DNAH11: variants seen among roughly 807,000 people sequenced by gnomAD.
DNAH11 encodes the protein dynein axonemal heavy chain 11.
Under a neutral mutation model 526.0 loss-of-function variants are expected in DNAH11, and 442 were observed. The ratio of observed to expected loss-of-function variants is 0.84; its 90% CI spans 0.78 to 0.91. The LOEUF (loss-of-function observed/expected upper bound fraction) is 0.91. Ranked by LOEUF, DNAH11 falls within the 40% of genes least tolerant of loss-of-function variation. The pLI, the probability that DNAH11 is intolerant of heterozygous loss-of-function variation, is 0.00. For missense variants in DNAH11, 6,989 were observed against 5,448.7 expected (o/e 1.28, Z -8.90); for synonymous variants, 2,461 against 1,935.9 (o/e 1.27, Z -7.12).
intron 62 of DNAH11, 148 bp from the exon 63 acceptor site, chr7:21,807,735 A>G (rs1408223392): frequency 1.2e-5 from 7 of 596,724 alleles, no homozygotes; most frequent in South Asian, 9.3e-5. Context: ...ATGAAAGATT[A>G]TAACAGTCAC....
At chr7:21,845,403 G>T (rs1353778404) in intron 66 of DNAH11, among the ~76,000 whole-genome samples, 1 of 152,008 alleles carries the variant, frequency 6.6e-6, no homozygotes. Context: ...TGAAGTAGGG[G>T]TGCACCTTCA....
intron 45 of DNAH11, among the ~76,000 whole-genome samples, chr7:21,731,530 A>G (rs1785384112): frequency 6.6e-6 from 1 of 152,258 alleles, no homozygotes; most frequent in East Asian, 1.9e-4. Context: ...TTGATTGAAA[A>G]AAGCAACGTA....
In DNAH11 at chr7:21,709,410, T is replaced by C. The variant is rs557610300; in HGVS notation, c.6684-1143T>C. The stretch of plus-strand genomic sequence containing the variant: ...ACATAAAGATGGGAGCCATTGACAC[T>C]GAGGCCTATTAGAGGTGGGAGGGAA... On this transcript the variant is annotated intron_variant, in intron 40 of 81. Transcript: ENST00000409508. Among the ~76,000 whole-genome samples the C allele has an allele frequency of 6.6e-5, 10 of 152,242 alleles. No individual in the cohort carries two copies. The East Asian group carries it at 1.9e-3, about 29-fold the overall frequency.
chr7:21,810,426 T>C (rs1789465709), intron 63 of DNAH11, among the ~76,000 whole-genome samples: 1 of 152,302 alleles, frequency 6.6e-6, no homozygotes, highest in Middle Eastern at 3.4e-3. Context: ...GCACAGATAT[T>C]ATTAGAAAAT....
intron 45 of DNAH11, among the ~76,000 whole-genome samples, chr7:21,732,349 G>T (rs1785419659): frequency 6.6e-6 from 1 of 152,110 alleles, no homozygotes; most frequent in African/African-American, 2.4e-5. Context: ...GATTGGGTTA[G>T]GGCTCAGTCC....
At chr7:21,780,111 G>C (rs892328497) in intron 57 of DNAH11, among the ~76,000 whole-genome samples, 1 of 143,674 alleles carries the variant, frequency 7.0e-6, no homozygotes, top group African/African-American at 2.6e-5. Flanking sequence ...AACTCTAAAA[G>C]GACAGTTTTA....
chr7:21,784,694 A>C (rs1003831906), intron 58 of DNAH11, among the ~76,000 whole-genome samples, 154 bp downstream of exon 58: 4 of 152,246 alleles, frequency 2.6e-5, no homozygotes, highest in African/African-American at 9.6e-5. Context: ...GAAACAAACC[A>C]TTGAGGTCAT....
chr7:21,784,342 T>C, intron 57 of DNAH11, 85 bp from the exon 58 acceptor site: 1 of 957,114 alleles, frequency 1.0e-6, no homozygotes, highest in South Asian at 1.4e-5. Flanking sequence ...TATTTAACAG[T>C]GCATCTGAGT....
intron 69 of DNAH11, 119 bp downstream of exon 69, chr7:21,862,142 C>A (rs1379148853): frequency 1.0e-6 from 1 of 963,792 alleles, no homozygotes; most frequent in Non-Finnish European, 1.5e-6. Context: ...TTTTTGGAAG[C>A]CCTTGGTGGC....
At chr7:21,654,063 AT>A (rs1198199082) in intron 28 of DNAH11, among the ~76,000 whole-genome samples, 1 of 152,160 alleles carries the variant, frequency 6.6e-6, no homozygotes, top group Non-Finnish European at 1.5e-5. Context: ...TCTTCTGGTT[AT>A]CAGCAGCTCA....
chr7:21,831,969 A>C (rs1386639964), intron 65 of DNAH11, among the ~76,000 whole-genome samples: 2 of 151,772 alleles, frequency 1.3e-5, no homozygotes, highest in African/African-American at 4.9e-5. Flanking sequence ...AGGCACCTGT[A>C]GTCCCAGCTA....
chr7:21,638,616 G>A (rs989903877), intron 27 of DNAH11, among the ~76,000 whole-genome samples: 1 of 151,954 alleles, frequency 6.6e-6, no homozygotes, highest in African/African-American at 2.4e-5. Context: ...CTCCACTGCT[G>A]TTTAGGAGTG....
Position 21,687,233 on chromosome 7 carries a change from G to C in DNAH11, c.5756G>C (p.Cys1919Ser). Reference sequence around the variant, plus strand: ...GGCATGATGGTCTATGTATTCAACTGTTCAGAGCAAATGGACTACAAAGTA... The same window carrying C: ...GGCATGATGGTCTATGTATTCAACTCTTCAGAGCAAATGGACTACAAAGTA... ...ALGMMVYVFNCSEQMDYKSIG... is the reference protein window; with the variant it reads ...ALGMMVYVFNSSEQMDYKSIG... The change falls in exon 33 of 82, where the codon TGT becomes TCT. Residue 1919 changes from cysteine to serine, a missense_variant. Physicochemically the swap from Cys to Ser is moderately radical, Grantham distance 112. Coordinates refer to ENST00000409508, the MANE Select transcript of DNAH11 (RefSeq NM_001277115.2). The C allele has an allele frequency of 6.3e-7, 1 of 1,594,188 alleles. No individual in the cohort carries two copies. The highest frequency in any genetic ancestry group is 1.8e-5 in the Admixed American group (1 of 56,230).
At chr7:21,667,316 A>C (rs898903284) in intron 30 of DNAH11, among the ~76,000 whole-genome samples, 4 of 152,118 alleles carry the variant, frequency 2.6e-5, no homozygotes, top group Non-Finnish European at 4.4e-5. Flanking sequence ...GAGTTGGCCT[A>C]CTTTTTCTGG....
At chr7:21,850,826 C>T (rs1004571919) in intron 66 of DNAH11, among the ~76,000 whole-genome samples, 1 of 152,026 alleles carries the variant, frequency 6.6e-6, no homozygotes, top group Non-Finnish European at 1.5e-5. Flanking sequence ...CCTTGTTGTC[C>T]TTAGGTTTCC....
chr7:21,892,739 A>G lies in DNAH11; in HGVS notation c.12750+72A>G, dbSNP rs950589830. 7 of 1,458,422 alleles carry G rather than the reference A, an allele frequency of 4.8e-6. No homozygotes were observed. In the African/African-American group the frequency reaches 7.1e-5, roughly 15 times the overall value. 90.3% of individuals were successfully genotyped at this position (1,458,422 alleles called of 1,614,324 possible). ...CTTGTACTGAAGTCTACTAATCTTA[A>G]TTGTGCAAATCAATAAGTTTTTACC... On this transcript the variant is annotated intron_variant, in intron 77 of 81. Transcript: ENST00000409508.
chr7:21,617,876 C>T (rs1363435718), intron 23 of DNAH11, 99 bp downstream of exon 23: 1 of 1,278,638 alleles, frequency 7.8e-7, no homozygotes, highest in African/African-American at 1.5e-5. Context: ...ATGAAAAGAC[C>T]CCCCTCAGCA....
Position 21,786,633 on chromosome 7 carries a change from A to G in DNAH11, c.9607A>G (p.Ser3203Gly). 6.2e-7 allele frequency: 1 copy of G among 1,612,662 alleles called. No individual in the cohort carries two copies. The highest frequency in any genetic ancestry group is 8.5e-7 in the Non-Finnish European group (1 of 1,178,988). ...GTGTGCTTTTCTTCAGGTCAACCTC[A>G]GTGAGCTGAAAGCCTTTCCCAACCC... The part of the protein sequence containing the change: ...ALNTLNRVNL[S>G]ELKAFPNPPI... The change falls in exon 59 of 82, where the codon AGT becomes GGT. Residue 3203 changes from serine (S) to glycine (G), a missense_variant. Coordinates refer to ENST00000409508, the MANE Select transcript of DNAH11 (RefSeq NM_001277115.2).
Position 21,564,401 on chromosome 7 carries a change from T to G in DNAH11, c.1194+4T>G, listed in dbSNP as rs1243718380. The G allele has an allele frequency of 6.2e-7, 1 of 1,603,914 alleles. No homozygotes were observed. The highest frequency in any genetic ancestry group is 2.2e-5 in the East Asian group (1 of 44,766). ...TTGTAATCTCTTCATTAACCAGGTA[T>G]GAAGCATCAAAAAACAGGAACAATA... is the stretch of plus-strand genomic sequence containing the variant. On this transcript the variant is annotated splice_donor_region_variant and intron_variant, in intron 6 of 81. Transcript: ENST00000409508.
Sources: gnomAD v4.1 joint callset for allele counts (sites outside exome capture counted in the v4.1 genomes callset) on GRCh38, gnomAD v4.1.1 for gene constraint, MANE v1.5 for transcripts, NCBI Gene and HGNC (gene_info 2026-07-23, HGNC 2026-07-21) for gene names.